Variants in ADCY8 observed in about 807,000 individuals in gnomAD.
ADCY8 encodes the protein adenylate cyclase 8.
In ADCY8, 51 loss-of-function variants were observed where a neutral mutation model predicts 119.7. The observed-to-expected ratio is 0.43, with a 90% CI of 0.34 to 0.54. ADCY8 has a LOEUF of 0.54. Among genes scored for constraint, ADCY8 ranks in the 20% least tolerant of loss-of-function variants. The pLI is 0.03. For synonymous variants in ADCY8, 665 were observed against 651.0 expected (o/e 1.02, Z -0.33); for missense variants, 1,383 against 1,598.8 (o/e 0.87, Z 2.30).
intron 5 of ADCY8, among the ~76,000 whole-genome samples, chr8:130,915,899 A>G (rs928353045): frequency 3.9e-5 from 6 of 152,194 alleles, no homozygotes; most frequent in Admixed American, 6.5e-5. Context: ...ATTTAGGCAG[A>G]ATTGATTGGG....
chr8:130,901,242 CTTTTTTTT>C (rs34424673), intron 7 of ADCY8, among the ~76,000 whole-genome samples: 1,398 of 115,576 alleles, frequency 0.012, 31 homozygotes, highest in African/African-American at 0.041. Flanking sequence ...CATCCCTCCT[CTTTTTTTT>C]TTTTTTTTTT....
At chr8:130,822,533 T>TC (rs1816542993) in intron 12 of ADCY8, among the ~76,000 whole-genome samples, 1 of 133,346 alleles carries the variant, frequency 7.5e-6, no homozygotes, top group African/African-American at 2.9e-5. Flanking sequence ...CATGAATCCA[T>TC]GAATCCATCC....
At chr8:130,829,002 G>A (rs1210078184) in intron 12 of ADCY8, among the ~76,000 whole-genome samples, 1 of 152,160 alleles carries the variant, frequency 6.6e-6, no homozygotes, top group East Asian at 1.9e-4. Context: ...TTTTGGCTGG[G>A]GGAGCCAGGC....
intron 8 of ADCY8, among the ~76,000 whole-genome samples, chr8:130,879,995 G>T (rs535065086): frequency 6.6e-6 from 1 of 152,230 alleles, no homozygotes; most frequent in Non-Finnish European, 1.5e-5. Context: ...GATAGTGAAT[G>T]GGTCTCGTGA....
At chr8:131,014,489 T>C (rs1823407578) in intron 1 of ADCY8, among the ~76,000 whole-genome samples, 1 of 152,160 alleles carries the variant, frequency 6.6e-6, no homozygotes, top group Non-Finnish European at 1.5e-5. Flanking sequence ...ATTTAAATCC[T>C]AATTCTGCCA....
intron 8 of ADCY8, among the ~76,000 whole-genome samples, chr8:130,881,399 T>C (rs1312001324): frequency 6.6e-6 from 1 of 152,204 alleles, no homozygotes; most frequent in Non-Finnish European, 1.5e-5. Context: ...CATTTCGGTG[T>C]TTGAACATTT....
Position 130,871,201 on chromosome 8 carries a change from TCTGAACA to T in ADCY8, c.2110-3262_2110-3256del, listed in dbSNP as rs1371727642. Among the ~76,000 whole-genome samples, 4 of 152,322 alleles carry T rather than the reference TCTGAACA, an allele frequency of 2.6e-5. No individual in the cohort carries two copies. The East Asian group carries it at 5.8e-4, about 22-fold the overall frequency. ...TTAACTTCCTCTTGACTTGTAAAGGTCTGAACACTCTGGCTCATAGCTTTATTAAGTT... is the reference window on the plus strand; with the variant it reads ...TTAACTTCCTCTTGACTTGTAAAGGTCTCTGGCTCATAGCTTTATTAAGTT... On this transcript the variant is annotated intron_variant, in intron 8 of 17. Transcript: ENST00000286355.
At chr8:130,874,496 C>A (rs1464157234) in intron 8 of ADCY8, among the ~76,000 whole-genome samples, 1 of 150,048 alleles carries the variant, frequency 6.7e-6, no homozygotes, top group Non-Finnish European at 1.5e-5. Context: ...CTATGAGTGA[C>A]AGGTGAGTGT....
intron 12 of ADCY8, among the ~76,000 whole-genome samples, chr8:130,830,259 T>C (rs915619649): frequency 1.3e-5 from 2 of 152,174 alleles, no homozygotes; most frequent in African/African-American, 4.8e-5. Context: ...ACAATCATGT[T>C]CAAAATGGTG....
chr8:130,884,641 G>T lies in ADCY8; in HGVS notation c.2032C>A (p.Arg678=), dbSNP rs759481208. The part of the protein sequence containing the change: ...NKRIEHTIDL[R]SGDKLRREHI... ...TCTCTTCTCAATTTATCGCCACTCC[G>T]CAAGTCGATGGTATGTTCTATTCTC... is the stretch of plus-strand genomic sequence containing the variant. Residue 678 remains arginine, a synonymous_variant, in exon 8 of 18, where the codon CGG becomes AGG. Coordinates refer to ENST00000286355, the MANE Select transcript of ADCY8 (RefSeq NM_001115.3). The T allele has an allele frequency of 1.2e-6, 2 of 1,613,700 alleles. No individual in the cohort carries two copies. The highest frequency in any genetic ancestry group is 8.5e-7 in the Non-Finnish European group (1 of 1,179,836).
chr8:131,015,689 A>G (rs1044658306), intron 1 of ADCY8, among the ~76,000 whole-genome samples: 4 of 152,088 alleles, frequency 2.6e-5, no homozygotes, highest in Non-Finnish European at 5.9e-5. Flanking sequence ...GTATCTAGTG[A>G]TTTATTTAAA....
chr8:130,950,225 AG>A (rs1234353475), intron 3 of ADCY8, among the ~76,000 whole-genome samples: 1 of 152,190 alleles, frequency 6.6e-6, no homozygotes, highest in African/African-American at 2.4e-5. Context: ...GGTGGGTGGG[AG>A]ATACAGTTCC....
rs1334099434 is a variant in ADCY8 at position 130,986,911 on chromosome 8, C to T, written c.1110+3482G>A. Among the ~76,000 whole-genome samples, 3 of 152,152 alleles carry T rather than the reference C, an allele frequency of 2.0e-5. No individual in the cohort carries two copies. In the East Asian group the frequency reaches 5.8e-4, roughly 29 times the overall value. ...ATTTGCTGCAGGATATCAGAGAAAA[C>T]CTAGTGTCCAGCATTGCTGTCCTTT... On this transcript the variant is annotated intron_variant, in intron 2 of 17. Coordinates refer to ENST00000286355, the MANE Select transcript of ADCY8 (RefSeq NM_001115.3).
chr8:130,934,479 A>G (rs951439597), intron 5 of ADCY8, among the ~76,000 whole-genome samples: 8 of 151,838 alleles, frequency 5.3e-5, no homozygotes, highest in African/African-American at 1.9e-4. Context: ...TGATCCAATT[A>G]CCTCCCATTA....
intron 12 of ADCY8, among the ~76,000 whole-genome samples, chr8:130,822,991 T>C (rs1009731733): frequency 7.2e-5 from 11 of 152,208 alleles, no homozygotes; most frequent in Non-Finnish European, 1.6e-4. Flanking sequence ...AAAAAGTCAC[T>C]TGTTCACATT....
chr8:130,785,639 A>G (rs1242615589), intron 15 of ADCY8, among the ~76,000 whole-genome samples, 164 bp from the exon 16 acceptor site: 1 of 152,228 alleles, frequency 6.6e-6, no homozygotes, highest in Non-Finnish European at 1.5e-5. Flanking sequence ...CCAGTCACAT[A>G]TATTTAATGA....
chr8:131,039,221 G>A (rs979097646), intron 1 of ADCY8, among the ~76,000 whole-genome samples, 153 bp downstream of exon 1: 4 of 152,278 alleles, frequency 2.6e-5, no homozygotes, highest in Non-Finnish European at 5.9e-5. Flanking sequence ...ATTGCATTCC[G>A]CTAACACTCA....
Position 130,867,946 on chromosome 8 carries a change from A to G in ADCY8, c.2110T>C (p.Tyr704His), listed in dbSNP as rs111761383. The change falls in exon 9 of 18, where the codon TAT becomes CAT. Residue 704 changes from tyrosine to histidine, a missense_variant and splice_region_variant. Transcript: ENST00000286355. ...MFKDSSLEHK[Y>H]SQMRDEVFKS... ...AACACTTCATCCCTCATTTGAGAAT[A>G]CTGTAATTAAAAAAAGAGAGAATGA... 2 of 1,601,196 alleles carry G rather than the reference A, an allele frequency of 1.2e-6. No individual in the cohort carries two copies. The highest frequency in any genetic ancestry group is 2.2e-5 in the South Asian group (2 of 90,068).
rs556877790 is a variant in ADCY8 at position 130,800,651 on chromosome 8, T to C, written c.2914-79A>G. The C allele has an allele frequency of 2.1e-3, 3,187 of 1,493,826 alleles. 9 individuals are homozygous for C. Among genetic ancestry groups the C allele is most frequent in the Non-Finnish European group, 2.8e-3 (2,979 of 1,082,954 alleles). The allele number at this position is 1,493,826 out of a possible 1,614,324, so 92.5% of individuals were successfully genotyped here. On this transcript the variant is annotated intron_variant, in intron 14 of 17. Transcript: ENST00000286355. Reference sequence around the variant, plus strand: ...CAGTGATGCTTCCTGTGCACACATGTGGGTACACACGTGCACAGTCACCCA... The same window carrying C: ...CAGTGATGCTTCCTGTGCACACATGCGGGTACACACGTGCACAGTCACCCA...
Sources: gnomAD v4.1 joint callset for allele counts (sites outside exome capture counted in the v4.1 genomes callset) on GRCh38, gnomAD v4.1.1 for gene constraint, MANE v1.5 for transcripts, NCBI Gene and HGNC (gene_info 2026-07-23, HGNC 2026-07-21) for gene names.